The following ADAMTS18 variants were observed in gnomAD, a reference collection of about 807,000 sequenced individuals.
ADAMTS18 encodes the protein ADAM metallopeptidase with thrombospondin type 1 motif 18, also known as A disintegrin and metalloproteinase with thrombospondin motifs 18.
Under a neutral mutation model 165.9 loss-of-function variants are expected in ADAMTS18, and 157 were observed. The ratio of observed to expected loss-of-function variants is 0.95; its 90% CI spans 0.83 to 1.08. ADAMTS18 has a LOEUF of 1.08. ADAMTS18 is among the 50% of genes least tolerant of loss of function. The pLI, the probability that ADAMTS18 is intolerant of heterozygous loss-of-function variation, is 0.00. For missense variants in ADAMTS18, 2,040 were observed against 1,534.0 expected, an observed-to-expected ratio of 1.33 and a Z score of -5.51; for synonymous variants, 782 against 578.2, an observed-to-expected ratio of 1.35 and a Z score of -5.06.
At chr16:77,384,728 T>C (rs555166139) in intron 3 of ADAMTS18, among the ~76,000 whole-genome samples, 35 of 152,306 alleles carry the variant, frequency 2.3e-4, no homozygotes, top group African/African-American at 7.9e-4. Context: ...CTGTGAAATA[T>C]GACAAAAATT....
Position 77,316,966 on chromosome 16 carries a change from C to T in ADAMTS18, c.2532+2883G>A, listed in dbSNP as rs139193564. Among the ~76,000 whole-genome samples the T allele has an allele frequency of 3.3e-5, 5 of 152,140 alleles. No homozygotes were observed. In the East Asian group the frequency reaches 9.8e-4, roughly 30 times the overall value. On this transcript the variant is annotated intron_variant, in intron 16 of 22. Coordinates refer to ENST00000282849, the MANE Select transcript of ADAMTS18 (RefSeq NM_199355.4). Reference sequence around the variant, plus strand: ...ACAGGGGTGAGCCACCATACCCAGCCCACATGGAGTTTTAAATTGTTGCTT... The same window carrying T: ...ACAGGGGTGAGCCACCATACCCAGCTCACATGGAGTTTTAAATTGTTGCTT...
At chr16:77,413,239 G>A (rs866238326) in intron 3 of ADAMTS18, among the ~76,000 whole-genome samples, 2 of 152,086 alleles carry the variant, frequency 1.3e-5, no homozygotes, top group Non-Finnish European at 2.9e-5. Flanking sequence ...GTATTCCTGA[G>A]AAAACCCTCC....
intron 18 of ADAMTS18, among the ~76,000 whole-genome samples, chr16:77,296,319 G>A (rs949826234): frequency 6.6e-6 from 1 of 152,122 alleles, no homozygotes; most frequent in African/African-American, 2.4e-5. Flanking sequence ...ATCATCAGCG[G>A]TGGAGTTACC....
At chr16:77,388,214 C>T (rs938329007) in intron 3 of ADAMTS18, among the ~76,000 whole-genome samples, 1 of 152,200 alleles carries the variant, frequency 6.6e-6, no homozygotes, top group South Asian at 2.1e-4. Flanking sequence ...ATTCTACTGC[C>T]TCAGCCTCCT....
chr16:77,325,295 G>C lies in ADAMTS18; in HGVS notation c.2032+571C>G, dbSNP rs147708872. 2.3e-3 allele frequency among the ~76,000 whole-genome samples: 346 copies of C among 152,212 alleles called. 1 individual carries two copies. Among genetic ancestry groups the C allele is most frequent in the African/African-American group, 8.0e-3 (334 of 41,526 alleles). ...ATTAAACTCTTCTGCTGTAACTAATGTTTTATTATTCAGTCAAAATAAAGA... is the reference window on the plus strand; with the variant it reads ...ATTAAACTCTTCTGCTGTAACTAATCTTTTATTATTCAGTCAAAATAAAGA... On this transcript the variant is annotated intron_variant, in intron 13 of 22. Coordinates refer to ENST00000282849, the MANE Select transcript of ADAMTS18 (RefSeq NM_199355.4).
chr16:77,315,254 T>A (rs1454390649), intron 16 of ADAMTS18, among the ~76,000 whole-genome samples: 2 of 152,170 alleles, frequency 1.3e-5, no homozygotes, highest in African/African-American at 4.8e-5. Flanking sequence ...GTCTTAAAAC[T>A]ATGAAACTGG....
chr16:77,311,902 T>C (rs372496981), intron 16 of ADAMTS18, among the ~76,000 whole-genome samples: 2 of 152,186 alleles, frequency 1.3e-5, no homozygotes, highest in Non-Finnish European at 2.9e-5. Context: ...TGGAAAACAA[T>C]AGCCAGGCAA....
intron 8 of ADAMTS18, 131 bp from the exon 9 acceptor site, chr16:77,356,208 A>G (rs1220568438): frequency 3.3e-6 from 4 of 1,199,966 alleles, no homozygotes; most frequent in Non-Finnish European, 4.8e-6. Flanking sequence ...AAACTGGAAA[A>G]GAGAAAGGCA....
At chr16:77,309,989 C>G (rs2055750932) in intron 16 of ADAMTS18, among the ~76,000 whole-genome samples, 1 of 152,204 alleles carries the variant, frequency 6.6e-6, no homozygotes, top group African/African-American at 2.4e-5. Flanking sequence ...TAACTTTAAA[C>G]CATGTGGTTG....
At position 77,312,927 on chromosome 16, in the gene ADAMTS18, C is replaced by A. The variant is rs899799138; in HGVS notation, c.2532+6922G>T. ...TTGAACTAGAAATACCATTTGACCC[C>A]GCAATCCCATTACTGGGTATATACC... On this transcript the variant is annotated intron_variant, in intron 16 of 22. Transcript: ENST00000282849. Among the ~76,000 whole-genome samples the A allele has an allele frequency of 3.9e-5, 6 of 152,258 alleles. No individual in the cohort carries two copies. In the East Asian group the frequency reaches 5.8e-4, roughly 15 times the overall value.
At chr16:77,288,318 T>C (rs994176240) in intron 22 of ADAMTS18, among the ~76,000 whole-genome samples, 3 of 152,122 alleles carry the variant, frequency 2.0e-5, no homozygotes, top group Admixed American at 2.0e-4. Context: ...TGGAAGAACA[T>C]GACCGCTTGC....
At chr16:77,383,328 C>T (rs80070544) in intron 3 of ADAMTS18, among the ~76,000 whole-genome samples, 7 of 152,118 alleles carry the variant, frequency 4.6e-5, no homozygotes, top group Non-Finnish European at 1.0e-4. Flanking sequence ...GCAGCCCCGT[C>T]CAATCCAAAT....
At chr16:77,309,525 T>G (rs2055741908) in intron 16 of ADAMTS18, among the ~76,000 whole-genome samples, 1 of 152,230 alleles carries the variant, frequency 6.6e-6, no homozygotes, top group Non-Finnish European at 1.5e-5. Flanking sequence ...TAATACAGAC[T>G]GCATTTTAAA....
chr16:77,423,720 T>C (rs1209084946), intron 3 of ADAMTS18, among the ~76,000 whole-genome samples: 1 of 152,172 alleles, frequency 6.6e-6, no homozygotes, highest in Non-Finnish European at 1.5e-5. Context: ...TTGATACTCC[T>C]CTTTGATTCT....
At chr16:77,303,762 G>A (rs1383621175) in intron 16 of ADAMTS18, among the ~76,000 whole-genome samples, 6 of 152,140 alleles carry the variant, frequency 3.9e-5, no homozygotes, top group East Asian at 3.9e-4. Flanking sequence ...GGCCGGACGC[G>A]GGGGCTCGCG....
At chr16:77,335,715 G>T (rs1456047078) in intron 12 of ADAMTS18, 41 bp downstream of exon 12, 4 of 1,613,570 alleles carry the variant, frequency 2.5e-6, no homozygotes, top group Non-Finnish European at 3.4e-6. Flanking sequence ...CAGGCTGAAG[G>T]TTAAGGCCTT....
In ADAMTS18 at chr16:77,336,028, C is replaced by A. The variant is rs981603786; in HGVS notation, c.1711-124G>T. ...TGGGAGAAAAGGAAAATGCCTGATA[C>A]CTTGATAAATTCCTCTGCTGTGCTC... On this transcript the variant is annotated intron_variant, in intron 11 of 22. Transcript: ENST00000282849. 39 of 1,161,976 alleles carry A rather than the reference C, an allele frequency of 3.4e-5. No individual in the cohort carries two copies. The South Asian group carries it at 4.0e-4, about 12-fold the overall frequency. 72.0% of individuals were successfully genotyped at this position (1,161,976 alleles called of 1,614,324 possible). A position where few individuals can be genotyped will look rare whatever the true frequency, so the allele number is the denominator to read the frequency against.
chr16:77,367,806 T>G, intron 3 of ADAMTS18, 83 bp from the exon 4 acceptor site: 1 of 1,523,486 alleles, frequency 6.6e-7, no homozygotes, highest in African/African-American at 1.4e-5. Flanking sequence ...TGCTTCTGAC[T>G]AATTCCTGTA....
intron 3 of ADAMTS18, among the ~76,000 whole-genome samples, chr16:77,392,445 G>T (rs1455519731): frequency 6.6e-6 from 1 of 151,984 alleles, no homozygotes; most frequent in African/African-American, 2.4e-5. Flanking sequence ...TCCCCATTGG[G>T]TTCACACCCT....
Sources: gnomAD v4.1 joint callset for allele counts (sites outside exome capture counted in the v4.1 genomes callset) on GRCh38, gnomAD v4.1.1 for gene constraint, MANE v1.5 for transcripts, NCBI Gene and HGNC (gene_info 2026-07-23, HGNC 2026-07-21) for gene names.